The following ASCC1 variants were observed in gnomAD, a reference collection of about 807,000 sequenced individuals.
ASCC1 encodes ASC-1 complex subunit P50.
In ASCC1, 35 loss-of-function variants were observed where a neutral mutation model predicts 46.6. That is an observed-to-expected ratio of 0.75 (90% CI 0.57 to 0.99). The LOEUF is 0.99. Among genes scored for constraint, ASCC1 ranks in the 50% least tolerant of loss-of-function variants. The pLI is 0.00. For missense variants in ASCC1, 376 were observed against 428.7 expected (o/e 0.88, Z 1.09); for synonymous variants, 143 against 146.6 (o/e 0.98, Z 0.18).
At chr10:72,161,319 A>G (rs1849668434) in intron 6 of ASCC1, among the ~76,000 whole-genome samples, 1 of 152,212 alleles carries the variant, frequency 6.6e-6, no homozygotes, top group Admixed American at 6.5e-5. Flanking sequence ...ACTCTCTAGA[A>G]TTTATATTCT....
chr10:72,131,879 T>TC (rs1322648883), intron 8 of ASCC1, among the ~76,000 whole-genome samples: 2 of 149,798 alleles, frequency 1.3e-5, no homozygotes, highest in East Asian at 3.9e-4. Context: ...ATAGATTTTT[T>TC]TTTTTTTTTT....
intron 5 of ASCC1, among the ~76,000 whole-genome samples, chr10:72,170,765 A>G (rs1438846195): frequency 1.3e-5 from 2 of 152,146 alleles, no homozygotes; most frequent in African/African-American, 4.8e-5. Context: ...TTAAGTGACA[A>G]AATTTGAACG....
chr10:72,151,752 C>CTGTG (rs1848363858), intron 7 of ASCC1, among the ~76,000 whole-genome samples: 2 of 146,170 alleles, frequency 1.4e-5, no homozygotes, highest in East Asian at 2.1e-4. Flanking sequence ...GCAGTGGCAC[C>CTGTG]ATCTCGGCTC....
intron 9 of ASCC1, among the ~76,000 whole-genome samples, chr10:72,113,219 T>A (rs1198287876): frequency 6.6e-6 from 1 of 152,246 alleles, no homozygotes; most frequent in African/African-American, 2.4e-5. Flanking sequence ...AAGGTAATGC[T>A]AACCTCTTAA....
At chr10:72,161,514 C>G (rs1849692978) in intron 6 of ASCC1, 24 bp downstream of exon 6, 1 of 1,613,954 alleles carries the variant, frequency 6.2e-7, no homozygotes, top group African/African-American at 1.3e-5. Flanking sequence ...GACCACCCAA[C>G]CCCCATCCCT....
chr10:72,150,094 A>G (rs1848148284), intron 7 of ASCC1, among the ~76,000 whole-genome samples: 1 of 152,094 alleles, frequency 6.6e-6, no homozygotes, highest in Non-Finnish European at 1.5e-5. Flanking sequence ...CTGAGACAGG[A>G]GAATTGCTTG....
intron 5 of ASCC1, among the ~76,000 whole-genome samples, chr10:72,166,787 A>G (rs556551747): frequency 1.3e-5 from 2 of 152,346 alleles, no homozygotes; most frequent in Admixed American, 1.3e-4. Flanking sequence ...ATTTGAACAG[A>G]TATTTTCCCA....
intron 2 of ASCC1, chr10:72,212,376 A>G (rs1449077141): frequency 6.4e-6 from 1 of 155,648 alleles, no homozygotes; most frequent in Non-Finnish European, 1.4e-5. Flanking sequence ...TTTACAGAGC[A>G]TTTGCATTGT....
At chr10:72,170,877 C>T (rs375133834) in intron 5 of ASCC1, among the ~76,000 whole-genome samples, 2 of 152,090 alleles carry the variant, frequency 1.3e-5, no homozygotes, top group African/African-American at 4.8e-5. Flanking sequence ...CAGTGGTGCA[C>T]GCCTATAGTC....
At chr10:72,174,151 T>C (rs919317584) in intron 5 of ASCC1, among the ~76,000 whole-genome samples, 1 of 152,168 alleles carries the variant, frequency 6.6e-6, no homozygotes, top group Non-Finnish European at 1.5e-5. Context: ...TTCACCGAGT[T>C]CAAGGTCATG....
chr10:72,117,528 C>T (rs1431222713), intron 9 of ASCC1, among the ~76,000 whole-genome samples: 1 of 152,160 alleles, frequency 6.6e-6, no homozygotes, highest in Non-Finnish European at 1.5e-5. Flanking sequence ...TTGCCATTTG[C>T]CAGAGATTTC....
chr10:72,152,855 TTCC>T lies in ASCC1; in HGVS notation c.746+11_746+13del. 6.2e-7 allele frequency: 1 copy of T among 1,614,044 alleles called. No individual in the cohort carries two copies. The highest frequency in any genetic ancestry group is 1.1e-5 in the South Asian group (1 of 91,072). On this transcript the variant is annotated intron_variant, in intron 7 of 9. Coordinates refer to ENST00000672957, the MANE Select transcript of ASCC1 (RefSeq NM_001198800.3). ...ACCTCTTGATTGAAACAAAGAAGCATTCCAGAAATATACCTGTTGGAGCCATCT... is the reference window on the plus strand; with the variant it reads ...ACCTCTTGATTGAAACAAAGAAGCATAGAAATATACCTGTTGGAGCCATCT...
chr10:72,158,478 C>T (rs2132646002), intron 6 of ASCC1, among the ~76,000 whole-genome samples: 1 of 152,264 alleles, frequency 6.6e-6, no homozygotes, highest in South Asian at 2.1e-4. Context: ...GGAAAGTCAC[C>T]AGGGACACAG....
intron 5 of ASCC1, 42 bp downstream of exon 5, chr10:72,196,769 A>G (rs1855490571): frequency 2.6e-6 from 4 of 1,566,794 alleles, no homozygotes; most frequent in Non-Finnish European, 2.6e-6. Context: ...TTCTTTTTAT[A>G]TTTAACTTTT....
chr10:72,125,415 C>T (rs1844745967), intron 9 of ASCC1, among the ~76,000 whole-genome samples: 1 of 152,058 alleles, frequency 6.6e-6, no homozygotes, highest in South Asian at 2.1e-4. Context: ...GATTTTTTTT[C>T]TTTCTAAGCA....
chr10:72,145,112 T>C (rs967301890), intron 7 of ASCC1, among the ~76,000 whole-genome samples: 4 of 152,232 alleles, frequency 2.6e-5, no homozygotes, highest in African/African-American at 9.6e-5. Flanking sequence ...ATCATTCTGC[T>C]GTCTTTGGCT....
At position 72,128,273 on chromosome 10, in the gene ASCC1, C is replaced by G; in HGVS notation, c.872-106G>C. 3 of 906,486 alleles carry G rather than the reference C, an allele frequency of 3.3e-6. No homozygotes were observed. The South Asian group carries it at 4.0e-5, about 12-fold the overall frequency. The allele number at this position is 906,486 out of a possible 1,614,324, so 56.2% of individuals were successfully genotyped here. A position where few individuals can be genotyped will look rare whatever the true frequency, so the allele number is the denominator to read the frequency against. ...GACTAGCAAAATTTTCATGAACTACCTGGAAAGTGGCATAATGAAGAGGAA... is the reference window on the plus strand; with the variant it reads ...GACTAGCAAAATTTTCATGAACTACGTGGAAAGTGGCATAATGAAGAGGAA... On this transcript the variant is annotated intron_variant, in intron 8 of 9. Coordinates refer to ENST00000672957, the MANE Select transcript of ASCC1 (RefSeq NM_001198800.3).
intron 9 of ASCC1, among the ~76,000 whole-genome samples, chr10:72,113,133 T>C (rs1843112081): frequency 6.6e-6 from 1 of 152,250 alleles, no homozygotes; most frequent in Non-Finnish European, 1.5e-5. Context: ...CTTAGTGTTT[T>C]ATATTTAGTA....
chr10:72,172,931 TA>T (rs1407870776), intron 5 of ASCC1, among the ~76,000 whole-genome samples: 4 of 138,026 alleles, frequency 2.9e-5, no homozygotes, highest in African/African-American at 5.3e-5. Context: ...ATATATTATA[TA>T]TTTTATATTA....
Sources: allele counts gnomAD v4.1 joint callset (sites outside exome capture counted in the v4.1 genomes callset), GRCh38; gene constraint gnomAD v4.1.1; transcripts MANE v1.5; gene names NCBI Gene and HGNC (gene_info 2026-07-23, HGNC 2026-07-21).